The following DOC2B variants were observed in gnomAD, a reference collection of about 807,000 sequenced individuals.
The protein encoded by DOC2B is double C2 domain beta.
Under a neutral mutation model 28.9 loss-of-function variants are expected in DOC2B, and 21 were observed. The ratio of observed to expected loss-of-function variants is 0.73; its 90% CI spans 0.52 to 1.05. DOC2B has a LOEUF of 1.05. Among genes scored for constraint, DOC2B ranks in the 50% least tolerant of loss-of-function variants. The probability of loss-of-function intolerance (pLI) is 0.00; values close to 1 mark genes in which losing one functional copy is unlikely to be tolerated. For missense variants in DOC2B, 384 were observed against 421.1 expected (o/e 0.91, Z 0.77); for synonymous variants, 194 against 178.1 (o/e 1.09, Z -0.71).
intron 6 of DOC2B, among the ~76,000 whole-genome samples, chr17:153,380 G>A (rs62053750): frequency 1.3e-5 from 2 of 152,184 alleles, no homozygotes; most frequent in Non-Finnish European, 2.9e-5. Flanking sequence ...TGTCCATCTG[G>A]CAGGTGGGCA....
intron 2 of DOC2B, among the ~76,000 whole-genome samples, chr17:165,797 C>G (rs111427046): frequency 0.042 from 6,457 of 152,332 alleles, 177 homozygotes; most frequent in Non-Finnish European, 0.065. Flanking sequence ...CACCAAGTGC[C>G]TGAAGTGCAG....
At chr17:176,629 G>C (rs989479348) in intron 1 of DOC2B, among the ~76,000 whole-genome samples, 1 of 149,314 alleles carries the variant, frequency 6.7e-6, no homozygotes. Flanking sequence ...GAAGGAGAGT[G>C]GGGGCTCAGC....
intron 1 of DOC2B, among the ~76,000 whole-genome samples, chr17:179,434 G>A (rs1298449274): frequency 3.3e-5 from 5 of 150,712 alleles, no homozygotes; most frequent in African/African-American, 7.3e-5. Context: ...TTGGCCATTC[G>A]CCATGCAGAG....
In DOC2B at chr17:181,421, A is replaced by G; in HGVS notation, c.59T>C (p.Ile20Thr). Residue 20 changes from isoleucine to threonine, a missense_variant, in exon 1 of 9, where the codon ATC becomes ACC. Coordinates refer to ENST00000613549, the MANE Select transcript of DOC2B (RefSeq NM_003585.5). This position sits in a 1 kb window ranked among gnomAD's most constrained non-coding sequence, Gnocchi z 7.0. Reference protein sequence around the residue: ...ATISIQEHMAIDVCPGPIRPI... With the variant: ...ATISIQEHMATDVCPGPIRPI... Reference sequence around the variant, plus strand: ...ACGGATGGGGCCGGGGCACACGTCGATGGCCATATGCTCCTGGATGCTGAT... The same window carrying G: ...ACGGATGGGGCCGGGGCACACGTCGGTGGCCATATGCTCCTGGATGCTGAT... 1 of 1,185,172 alleles carries G rather than the reference A, an allele frequency of 8.4e-7. No individual in the cohort carries two copies. Among genetic ancestry groups the G allele is most frequent in the Non-Finnish European group, 1.1e-6 (1 of 943,696 alleles). 73.4% of individuals were successfully genotyped at this position (1,185,172 alleles called of 1,614,324 possible).
chr17:165,511 G>A (rs1229251248), intron 2 of DOC2B, among the ~76,000 whole-genome samples: 5 of 151,842 alleles, frequency 3.3e-5, no homozygotes, highest in Admixed American at 2.6e-4. Context: ...AAAAAAGGGC[G>A]GGGGTGTAAT....
At chr17:165,022 C>A (rs1451258353) in intron 2 of DOC2B, among the ~76,000 whole-genome samples, 1 of 152,090 alleles carries the variant, frequency 6.6e-6, no homozygotes, top group Non-Finnish European at 1.5e-5. Flanking sequence ...GGGGCTCCCT[C>A]CCAGGCCCAC....
intron 1 of DOC2B, among the ~76,000 whole-genome samples, chr17:176,533 C>CT (rs201214601): frequency 6.2e-4 from 94 of 151,902 alleles, no homozygotes; most frequent in Admixed American, 1.7e-3. Flanking sequence ...GTCCAAAAAG[C>CT]TTTTTTTTGG....
At chr17:164,001 GA>G (rs1375020182) in intron 3 of DOC2B, 128 bp downstream of exon 3, 1 of 677,808 alleles carries the variant, frequency 1.5e-6, no homozygotes, top group Non-Finnish European at 2.6e-6. Flanking sequence ...ACTCTGAGGG[GA>G]GTGGCAGCTG....
chr17:170,744 C>T (rs185205050), intron 2 of DOC2B, among the ~76,000 whole-genome samples: 1 of 152,218 alleles, frequency 6.6e-6, no homozygotes, highest in African/African-American at 2.4e-5. Flanking sequence ...GTGGCAGAGC[C>T]AGAGGGCAGC....
chr17:173,133 G>A lies in DOC2B; in HGVS notation c.374-517C>T, dbSNP rs146901659. On this transcript the variant is annotated intron_variant, in intron 1 of 8. Coordinates refer to ENST00000613549, the MANE Select transcript of DOC2B (RefSeq NM_003585.5). ...GTCTCTCTGGCCCGTTGGGAACCCC[G>A]AGCAGGCCGTGAGGAGCCAGCTGGG... Among the ~76,000 whole-genome samples, 534 of 152,292 alleles carry A rather than the reference G, an allele frequency of 3.5e-3. 3 individuals carry two copies. Among genetic ancestry groups the A allele is most frequent in the Admixed American group, 6.0e-3 (92 of 15,304 alleles).
At chr17:159,877 GCACACA>G (rs908329258) in intron 5 of DOC2B, among the ~76,000 whole-genome samples, 1 of 150,424 alleles carries the variant, frequency 6.6e-6, no homozygotes, top group African/African-American at 2.4e-5. Context: ...TCACACACGA[GCACACA>G]CACACACACG....
At chr17:179,966 T>C (rs2040419076) in intron 1 of DOC2B, among the ~76,000 whole-genome samples, 1 of 152,216 alleles carries the variant, frequency 6.6e-6, no homozygotes, top group Non-Finnish European at 1.5e-5. Context: ...TACCTTCAGC[T>C]TCTGGTGGCA....
At chr17:155,163 T>C (rs1362602808) in intron 6 of DOC2B, among the ~76,000 whole-genome samples, 4 of 152,176 alleles carry the variant, frequency 2.6e-5, no homozygotes, top group Admixed American at 2.6e-4. Context: ...GGCTAATTTT[T>C]AATTTTTTTA....
At chr17:153,384 G>A (rs1555521999) in intron 6 of DOC2B, among the ~76,000 whole-genome samples, 2 of 152,224 alleles carry the variant, frequency 1.3e-5, no homozygotes, top group African/African-American at 4.8e-5. Context: ...CATCTGGCAG[G>A]TGGGCATTGA....
rs565046929 is a variant in DOC2B, at chr17:165,231, G to A, written c.454-1027C>T. On this transcript the variant is annotated intron_variant, in intron 2 of 8. Coordinates refer to ENST00000613549, the MANE Select transcript of DOC2B (RefSeq NM_003585.5). ...TTATCATCTGTTAAAGGGGTTGGCC[G>A]GGCACGGTGGCTCACGCCTGTAATC... 6.6e-5 allele frequency among the ~76,000 whole-genome samples: 10 copies of A among 152,212 alleles called. No homozygotes were observed. In the South Asian group the frequency reaches 8.3e-4, roughly 13 times the overall value.
In DOC2B at chr17:176,452, C is replaced by T. The variant is rs112350130; in HGVS notation, c.374-3836G>A. Among the ~76,000 whole-genome samples the T allele has an allele frequency of 7.5e-3, 1,140 of 152,234 alleles. 4 individuals are homozygous for T. Among genetic ancestry groups the T allele is most frequent in the Middle Eastern group, 0.02 (6 of 294 alleles). The stretch of plus-strand genomic sequence containing the variant: ...CTCAGGCTGGTCTTGAACTCCCGGG[C>T]TCAAGCAATCCTCCCGCCTTCACCT... On this transcript the variant is annotated intron_variant, in intron 1 of 8. Coordinates refer to ENST00000613549, the MANE Select transcript of DOC2B (RefSeq NM_003585.5).
Position 149,177 on chromosome 17 carries a change from A to G in DOC2B, c.939T>C (p.Asp313=). The G allele has an allele frequency of 2.5e-6, 1 of 400,054 alleles. No homozygotes were observed. The highest frequency in any genetic ancestry group is 3.6e-5 in the East Asian group (1 of 28,074). The allele number at this position is 400,054 out of a possible 1,614,324, so 24.8% of individuals were successfully genotyped here. Reference sequence around the variant, plus strand: ...TCTTATGTTTGGATTTCTTGTCCACATCTGGCCTCAGGTATCTGGAATTAC... The same window carrying G: ...TCTTATGTTTGGATTTCTTGTCCACGTCTGGCCTCAGGTATCTGGAATTAC... The part of the protein sequence containing the change: ...DPYVKTYLRP[D]VDKKSKHKTA... The change falls in exon 7 of 9, where the codon GAT becomes GAC. Residue 313 remains aspartate (D), a synonymous_variant. Coordinates refer to ENST00000613549, the MANE Select transcript of DOC2B (RefSeq NM_003585.5).
intron 1 of DOC2B, among the ~76,000 whole-genome samples, chr17:173,021 G>C (rs1162204667): frequency 6.6e-6 from 1 of 152,204 alleles, no homozygotes; most frequent in Non-Finnish European, 1.5e-5. Context: ...GAGGAGACGA[G>C]GCTTTGAGAG....
chr17:150,492 G>A (rs1256921197), intron 6 of DOC2B, among the ~76,000 whole-genome samples: 3 of 106,434 alleles, frequency 2.8e-5, no homozygotes, highest in African/African-American at 6.3e-5. Flanking sequence ...CAGAAAGGCT[G>A]CATGGTTGAC....
Sources: gnomAD v4.1 joint callset for allele counts (sites outside exome capture counted in the v4.1 genomes callset) on GRCh38, gnomAD v4.1.1 for gene constraint, Gnocchi (gnomAD v3.1) non-coding constraint, MANE v1.5 for transcripts, NCBI Gene and HGNC (gene_info 2026-07-23, HGNC 2026-07-21) for gene names.